ABR: variants seen among roughly 807,000 people sequenced by gnomAD.
ABR encodes the protein active breakpoint cluster region-related protein.
Under a neutral mutation model 107.2 loss-of-function variants are expected in ABR, and 35 were observed. The ratio of observed to expected loss-of-function variants is 0.33; its 90% CI spans 0.25 to 0.43. The LOEUF (loss-of-function observed/expected upper bound fraction) is 0.43, where lower values mean the gene tolerates loss of function less well. Ranked by LOEUF, ABR falls within the 20% of genes least tolerant of loss-of-function variation. The probability of loss-of-function intolerance (pLI) is 1.00; values close to 1 mark genes in which losing one functional copy is unlikely to be tolerated. For missense variants in ABR, 815 were observed against 1,115.2 expected, an observed-to-expected ratio of 0.73 and a Z score of 3.83; for synonymous variants, 498 against 462.0, an observed-to-expected ratio of 1.08 and a Z score of -1.00.
At chr17:1,023,315 C>T (rs1290070697) in intron 16 of ABR, among the ~76,000 whole-genome samples, 2 of 152,250 alleles carry the variant, frequency 1.3e-5, no homozygotes, top group Non-Finnish European at 2.9e-5. Context: ...CTCTTGGAGG[C>T]CCCACAGCCA....
At chr17:1,012,558 C>T (rs1472212771) in intron 18 of ABR, 130 bp downstream of exon 18, 3 of 740,392 alleles carry the variant, frequency 4.1e-6, no homozygotes, top group Non-Finnish European at 7.2e-6. Context: ...CACCGGCCAT[C>T]TGCCACCGCC....
intron 10 of ABR, among the ~76,000 whole-genome samples, 172 bp downstream of exon 10, chr17:1,066,905 G>A (rs575196109): frequency 6.6e-6 from 1 of 151,990 alleles, no homozygotes; most frequent in African/African-American, 2.4e-5. Flanking sequence ...ATGAAATCCT[G>A]AGCACTGACC....
chr17:1,222,445 A>G (rs939004058), intron 1 of ABR, among the ~76,000 whole-genome samples: 13 of 152,136 alleles, frequency 8.5e-5, no homozygotes, highest in Admixed American at 1.3e-4. Context: ...TGAAAATTCA[A>G]TCCTTCAAAT....
rs1349968860 is a variant in ABR at position 1,148,301 on chromosome 17, TG to T, written c.62-22935del. Among the ~76,000 whole-genome samples, 1 of 152,196 alleles carries T rather than the reference TG, an allele frequency of 6.6e-6. No individual in the cohort carries two copies. The highest frequency in any genetic ancestry group is 2.4e-5 in the African/African-American group (1 of 41,438). On this transcript the variant is annotated intron_variant, in intron 1 of 22. Transcript: ENST00000302538. The surrounding 1 kb of genome is among the most constrained non-coding windows in gnomAD (Gnocchi z 4.9). ...GGCCAATTCTGACATCGATGAACCT[TG>T]GGGGCATTAGGCTACGTGAAAGAAG...
At chr17:1,120,978 A>C (rs573585075) in intron 2 of ABR, among the ~76,000 whole-genome samples, 1 of 152,246 alleles carries the variant, frequency 6.6e-6, no homozygotes, top group Admixed American at 6.5e-5. Context: ...CTGCCTTAGG[A>C]ACCTACACCC....
intron 16 of ABR, among the ~76,000 whole-genome samples, chr17:1,045,299 C>T (rs2031386114): frequency 6.6e-6 from 1 of 152,262 alleles, no homozygotes; most frequent in East Asian, 1.9e-4. Flanking sequence ...ACCTTTCTGC[C>T]TCTGAATTCC....
chr17:1,114,662 A>C (rs1468097707), intron 2 of ABR, among the ~76,000 whole-genome samples: 1 of 151,706 alleles, frequency 6.6e-6, no homozygotes, highest in Non-Finnish European at 1.5e-5. Context: ...AGTCCCAGCT[A>C]CTCAGGAGGC....
Position 1,072,675 on chromosome 17 carries a change from A to G in ABR, c.833T>C (p.Leu278Pro). 6.2e-7 allele frequency: 1 copy of G among 1,613,472 alleles called. No individual in the cohort carries two copies. The highest frequency in any genetic ancestry group is 1.3e-5 in the African/African-American group (1 of 75,030). Residue 278 changes from leucine (L) to proline (P), a missense_variant, in exon 8 of 23, where the codon CTG (leucine) becomes CCG (proline). This residue lies in a region of ABR where 385 missense variants were observed against 596.9 expected (regional missense o/e 0.64). Transcript: ENST00000302538. ...QDALRISQNF[L>P]SSINEDIDPR... The stretch of plus-strand genomic sequence containing the variant: ...GTCGATGTCCTCGTTGATGCTGGAC[A>G]GGAAGTTCTGGGAGATGCGGAGGGC...
chr17:1,098,752 C>T (rs796647232), intron 3 of ABR, among the ~76,000 whole-genome samples: 1 of 152,218 alleles, frequency 6.6e-6, no homozygotes, highest in South Asian at 2.1e-4. Context: ...CACAGATAAA[C>T]TCCTGGAGAG....
chr17:1,127,503 C>T (rs1011637107), intron 1 of ABR, among the ~76,000 whole-genome samples: 11 of 152,156 alleles, frequency 7.2e-5, no homozygotes, highest in South Asian at 4.2e-4. Context: ...AGTCTGGGTC[C>T]GTGAAGGGCC....
At chr17:1,082,436 A>C (rs887746043) in intron 5 of ABR, among the ~76,000 whole-genome samples, 1 of 152,114 alleles carries the variant, frequency 6.6e-6, no homozygotes, top group African/African-American at 2.4e-5. Flanking sequence ...GTTCCCAGCC[A>C]GGAAGGCTGG....
rs2037039814 is a variant in ABR at position 1,091,657 on chromosome 17, A to G, written c.531+8T>C. The G allele has an allele frequency of 6.2e-7, 1 of 1,611,204 alleles. No individual in the cohort carries two copies. Among genetic ancestry groups the G allele is most frequent in the African/African-American group, 1.3e-5 (1 of 75,048 alleles). On this transcript the variant is annotated splice_region_variant and intron_variant, in intron 4 of 22. Coordinates refer to ENST00000302538, the MANE Select transcript of ABR (RefSeq NM_021962.5). ...TGCGTGAGGACCCTCCATCCCTGGC[A>G]GACTCACCAGCTTCTGGAAGAGGTG...
chr17:1,033,190 G>A (rs1346237191), intron 16 of ABR, among the ~76,000 whole-genome samples: 1 of 152,206 alleles, frequency 6.6e-6, no homozygotes, highest in African/African-American at 2.4e-5. Context: ...GCCCAGAGAC[G>A]AGCCCTCGGC....
chr17:1,204,118 CA>C (rs1281769351), intron 1 of ABR, among the ~76,000 whole-genome samples: 6 of 152,290 alleles, frequency 3.9e-5, no homozygotes, highest in Admixed American at 3.3e-4. Flanking sequence ...TGGATTCCAC[CA>C]GGGGCATCTT....
At chr17:1,193,109 G>C (rs2042472413) in intron 1 of ABR, among the ~76,000 whole-genome samples, 1 of 152,170 alleles carries the variant, frequency 6.6e-6, no homozygotes, top group Non-Finnish European at 1.5e-5. Flanking sequence ...ATGGAGCGAA[G>C]AGCTAGAATG....
chr17:1,016,328 T>C (rs187048405), intron 16 of ABR, among the ~76,000 whole-genome samples: 1 of 151,598 alleles, frequency 6.6e-6, no homozygotes, highest in East Asian at 1.9e-4. Context: ...TTTTTTTTTT[T>C]TTTTTTGAGA....
At chr17:1,155,737 G>A (rs187223099) in intron 1 of ABR, among the ~76,000 whole-genome samples, 10 of 152,088 alleles carry the variant, frequency 6.6e-5, no homozygotes, top group Admixed American at 3.9e-4. Flanking sequence ...AGGCCGAGGC[G>A]GGCAGATCAC....
intron 1 of ABR, among the ~76,000 whole-genome samples, chr17:1,129,613 A>C (rs553668157): frequency 2.6e-5 from 4 of 152,270 alleles, no homozygotes; most frequent in Non-Finnish European, 5.9e-5. Context: ...GACATGCTGG[A>C]GTGAAGTGTA....
intron 3 of ABR, among the ~76,000 whole-genome samples, chr17:1,095,065 G>A (rs1356941236): frequency 5.9e-5 from 9 of 152,262 alleles, no homozygotes; most frequent in African/African-American, 1.7e-4. Flanking sequence ...CCGCAGAGTC[G>A]CCACAGAATC....
Sources: gnomAD v4.1 joint callset for allele counts (sites outside exome capture counted in the v4.1 genomes callset) on GRCh38, gnomAD v4.1.1 for gene constraint, gnomAD v4.1.1 regional missense constraint, Gnocchi (gnomAD v3.1) non-coding constraint, MANE v1.5 for transcripts, NCBI Gene and HGNC (gene_info 2026-07-23, HGNC 2026-07-21) for gene names.